NRG4: variants seen among roughly 807,000 people sequenced by gnomAD.
NRG4 encodes pro-neuregulin-4, membrane-bound isoform.
In NRG4, 10 loss-of-function variants were observed where a neutral mutation model predicts 15.0. The ratio of observed to expected loss-of-function variants is 0.67; its 90% CI spans 0.41 to 1.13. The LOEUF is 1.13. Among genes scored for constraint, NRG4 ranks in the 50% most tolerant of loss-of-function variants. NRG4 has a pLI of 0.00. For synonymous variants in NRG4, 41 were observed against 50.1 expected, an observed-to-expected ratio of 0.82 and a Z score of 0.77; for missense variants, 139 against 140.2, an observed-to-expected ratio of 0.99 and a Z score of 0.04.
At chr15:76,025,393 C>G (rs980737925) in intron 5 of NRG4, among the ~76,000 whole-genome samples, 3 of 152,018 alleles carry the variant, frequency 2.0e-5, no homozygotes, top group Admixed American at 2.0e-4. Context: ...GAGCTGAGAT[C>G]ACACCACTGC....
chr15:76,059,912 C>A (rs2036257221), upstream of NRG4: 1 of 143,582 alleles, frequency 7.0e-6, no homozygotes, highest in South Asian at 2.2e-4. Context: ...GCGGAGGGAG[C>A]GGCGGGGCCG....
At chr15:76,029,449 A>G (rs2035411403) in intron 5 of NRG4, among the ~76,000 whole-genome samples, 1 of 152,198 alleles carries the variant, frequency 6.6e-6, no homozygotes, top group African/African-American at 2.4e-5. Context: ...AAGAGAAAGA[A>G]ATAAAGGGCA....
At chr15:76,011,173 T>G (rs769549247) in intron 2 of NRG4, 48 bp downstream of exon 2, 1 of 1,317,758 alleles carries the variant, frequency 7.6e-7, no homozygotes, top group East Asian at 2.8e-5. Flanking sequence ...GTTGTTCTAT[T>G]GCTATGGACA....
At chr15:76,047,779 TG>T (rs1239159790) in intron 4 of NRG4, among the ~76,000 whole-genome samples, 1 of 151,018 alleles carries the variant, frequency 6.6e-6, no homozygotes, top group East Asian at 1.9e-4. Flanking sequence ...TCTCTGCAAA[TG>T]TAAAATGATT....
chr15:75,995,654 G>C (rs1204829050), intron 3 of NRG4, among the ~76,000 whole-genome samples: 3 of 152,190 alleles, frequency 2.0e-5, no homozygotes, highest in African/African-American at 7.2e-5. Context: ...CTAATACTTA[G>C]AGCTGAAGGA....
At chr15:75,950,996 T>A (rs74399898) in intron 5 of NRG4, 6,295 of 171,814 alleles carry the variant, frequency 0.037, 217 homozygotes, top group African/African-American at 0.094. Context: ...GTCTGAGACA[T>A]TATCTTCTAG....
intron 3 of NRG4, among the ~76,000 whole-genome samples, chr15:75,996,567 T>C (rs577089312): frequency 6.6e-6 from 1 of 152,300 alleles, no homozygotes; most frequent in East Asian, 1.9e-4. Flanking sequence ...GACATAAAAT[T>C]TCTTAGAGTA....
rs190549492 is a variant in NRG4 at position 76,001,169 on chromosome 15, G to A, written c.104+8031C>T. Reference sequence around the variant, plus strand: ...CCTGGTATTTTTTTTGTTTTGTTTTGTTTGGTAAAGATGAGGTCTTACTAT... The same window carrying A: ...CCTGGTATTTTTTTTGTTTTGTTTTATTTGGTAAAGATGAGGTCTTACTAT... On this transcript the variant is annotated intron_variant, in intron 3 of 5. Coordinates refer to ENST00000394907, the MANE Select transcript of NRG4 (RefSeq NM_138573.4). Among the ~76,000 whole-genome samples, 486 of 151,494 alleles carry A rather than the reference G, an allele frequency of 3.2e-3. 2 individuals are homozygous for A. The highest frequency in any genetic ancestry group is 4.3e-3 in the Non-Finnish European group (289 of 67,838).
At chr15:75,979,272 T>C (rs1243486146) in intron 3 of NRG4, among the ~76,000 whole-genome samples, 2 of 151,564 alleles carry the variant, frequency 1.3e-5, no homozygotes, top group Non-Finnish European at 2.9e-5. Context: ...TATATTTAAG[T>C]CTTTAATCCA....
At chr15:75,992,082 G>T (rs2034038340) in intron 3 of NRG4, among the ~76,000 whole-genome samples, 1 of 152,020 alleles carries the variant, frequency 6.6e-6, no homozygotes, top group Non-Finnish European at 1.5e-5. Flanking sequence ...AGTCTACTTA[G>T]GGTTACTATT....
chr15:76,042,750 A>G (rs1367004939), intron 4 of NRG4, among the ~76,000 whole-genome samples: 1 of 152,100 alleles, frequency 6.6e-6, no homozygotes, highest in Non-Finnish European at 1.5e-5. Flanking sequence ...TAATACCAAT[A>G]CTACTCAAAC....
At chr15:75,996,464 T>C (rs1392492303) in intron 3 of NRG4, among the ~76,000 whole-genome samples, 1 of 152,152 alleles carries the variant, frequency 6.6e-6, no homozygotes, top group Non-Finnish European at 1.5e-5. Context: ...TGCTTTTTAA[T>C]AGAGCATGTG....
At chr15:76,059,316 G>A (rs114080814) in intron 1 of NRG4, among the ~76,000 whole-genome samples, 3 of 152,172 alleles carry the variant, frequency 2.0e-5, no homozygotes, top group Non-Finnish European at 2.9e-5. Flanking sequence ...CTATGACTCC[G>A]GCCACACAGA....
Position 76,036,647 on chromosome 15 carries a change from T to C in NRG4, c.-104-656A>G, listed in dbSNP as rs76484693. Among the ~76,000 whole-genome samples, 382 of 152,296 alleles carry C rather than the reference T, an allele frequency of 2.5e-3. 3 individuals carry two copies. The highest frequency in any genetic ancestry group is 8.8e-3 in the African/African-American group (366 of 41,554). ...AAGGGGACATAATGATAATGCCTCA[T>C]TCAAAGGGATATCTGAGTATCAAAT... On this transcript the variant is annotated intron_variant, in intron 4 of 8. Transcript: ENST00000563910.
At position 76,002,705 on chromosome 15, in the gene NRG4, T is replaced by C. The variant is rs951745001; in HGVS notation, c.104+6495A>G. 7.9e-5 allele frequency among the ~76,000 whole-genome samples: 12 copies of C among 152,232 alleles called. No individual in the cohort carries two copies. The East Asian group carries it at 1.7e-3, about 22-fold the overall frequency. ...ATATTAATAGCAGAGAGGTAGACAT[T>C]ACAGCAAGAAGTAATACTAAAGATA... On this transcript the variant is annotated intron_variant, in intron 3 of 5. Coordinates refer to ENST00000394907, the MANE Select transcript of NRG4 (RefSeq NM_138573.4).
chr15:76,053,700 C>G (rs28691601), intron 2 of NRG4, among the ~76,000 whole-genome samples: 25 of 150,370 alleles, frequency 1.7e-4, no homozygotes, highest in Non-Finnish European at 1.9e-4. Context: ...GGACTACCAG[C>G]GTATACTACG....
At chr15:76,007,456 G>C (rs1195859813) in intron 3 of NRG4, among the ~76,000 whole-genome samples, 1 of 144,238 alleles carries the variant, frequency 6.9e-6, no homozygotes, top group Non-Finnish European at 1.5e-5. Context: ...TTGAGACGGA[G>C]TCTCGCTCTG....
downstream of NRG4, chr15:75,935,415 T>TAGATGA: frequency 6.6e-6 from 1 of 152,288 alleles, no homozygotes; most frequent in South Asian, 2.1e-4. Flanking sequence ...ATACTTTATT[T>TAGATGA]AATCAAGACA....
At chr15:76,059,900 G>C (rs2036255964), upstream of NRG4, 1 of 146,606 alleles carries the variant, frequency 6.8e-6, no homozygotes, top group Non-Finnish European at 1.5e-5. Context: ...GTGGGCGGAG[G>C]GGCGGAGGGA....
Sources: allele counts gnomAD v4.1 joint callset (sites outside exome capture counted in the v4.1 genomes callset), GRCh38; gene constraint gnomAD v4.1.1; transcripts MANE v1.5; gene names NCBI Gene and HGNC (gene_info 2026-07-23, HGNC 2026-07-21).